The following LSP1 variants were observed in gnomAD, a reference collection of about 807,000 sequenced individuals.
The protein encoded by LSP1 is lymphocyte-specific protein 1.
In LSP1, 32 loss-of-function variants were observed where a neutral mutation model predicts 49.3. The observed-to-expected ratio is 0.65, with a 90% CI of 0.49 to 0.87. LSP1 has a LOEUF of 0.87. Ranked by LOEUF, LSP1 falls within the 40% of genes least tolerant of loss-of-function variation. The probability of loss-of-function intolerance (pLI) is 0.00; values close to 1 mark genes in which losing one functional copy is unlikely to be tolerated. For synonymous variants in LSP1, 179 were observed against 178.8 expected, an observed-to-expected ratio of 1.00 and a Z score of -0.01; for missense variants, 428 against 442.6, an observed-to-expected ratio of 0.97 and a Z score of 0.30.
At chr11:1,873,393 C>G (rs984829079) in intron 1 of LSP1, among the ~76,000 whole-genome samples, 13 of 151,596 alleles carry the variant, frequency 8.6e-5, no homozygotes, top group African/African-American at 3.2e-4. Flanking sequence ...TGGGTCAGCG[C>G]TGGTTTCTTG....
At chr11:1,864,523 G>A (rs1010770231) in intron 1 of LSP1, among the ~76,000 whole-genome samples, 8 of 152,064 alleles carry the variant, frequency 5.3e-5, no homozygotes, top group South Asian at 2.1e-4. Flanking sequence ...GCCCATCAGC[G>A]CGCCACAGAG....
At chr11:1,861,695 G>GTGGATGGATGGA (rs58820256) in intron 1 of LSP1, among the ~76,000 whole-genome samples, 1 of 122,048 alleles carries the variant, frequency 8.2e-6, no homozygotes, top group African/African-American at 3.2e-5. Flanking sequence ...GGATGGGTGG[G>GTGGATGGATGGA]TGGATGGATG....
chr11:1,879,301 C>T (rs1345633810), intron 1 of LSP1, among the ~76,000 whole-genome samples: 3 of 152,170 alleles, frequency 2.0e-5, no homozygotes, highest in Admixed American at 6.5e-5. Context: ...GCCCAGATCA[C>T]ACCATTGCAC....
chr11:1,867,398 G>A lies in LSP1; in HGVS notation c.54-12689G>A, dbSNP rs573098103. Among the ~76,000 whole-genome samples, 17 of 140,332 alleles carry A rather than the reference G, an allele frequency of 1.2e-4. 1 individual carries two copies. In the Admixed American group the frequency reaches 1.3e-3, roughly 11 times the overall value. 92.1% of individuals were successfully genotyped at this position (140,332 alleles called of 152,430 possible). ...ACACGACCACCCGGGACAGTACTGC[G>A]CTCACCACCACTGCCATGATCTCTT... On this transcript the variant is annotated intron_variant, in intron 1 of 10. Coordinates refer to ENST00000311604, the MANE Select transcript of LSP1 (RefSeq NM_002339.3).
At chr11:1,854,207 T>C (rs1847431266) in intron 1 of LSP1, among the ~76,000 whole-genome samples, 1 of 152,070 alleles carries the variant, frequency 6.6e-6, no homozygotes, top group Admixed American at 6.5e-5. Flanking sequence ...GCGGGGGCTG[T>C]GGCCTGGTGT....
At chr11:1,873,057 C>G (rs1264300302) in intron 1 of LSP1, among the ~76,000 whole-genome samples, 1 of 151,882 alleles carries the variant, frequency 6.6e-6, no homozygotes, top group African/African-American at 2.4e-5. Flanking sequence ...GCACCTCTCC[C>G]CAGAGGTGGA....
At chr11:1,881,196 T>G in intron 2 of LSP1, 1 of 484,152 alleles carries the variant, frequency 2.1e-6, no homozygotes, top group Non-Finnish European at 3.6e-6. Context: ...CCTCAAGGAG[T>G]CCTGGACTGA....
At chr11:1,872,810 G>A (rs1032825278) in intron 1 of LSP1, among the ~76,000 whole-genome samples, 4 of 152,138 alleles carry the variant, frequency 2.6e-5, no homozygotes, top group Non-Finnish European at 4.4e-5. Flanking sequence ...CAGTCACCCC[G>A]GCCCGCACTC....
intron 3 of LSP1, among the ~76,000 whole-genome samples, chr11:1,883,060 G>T (rs900416140): frequency 1.3e-5 from 2 of 152,186 alleles, no homozygotes; most frequent in Non-Finnish European, 2.9e-5. Flanking sequence ...GCCTCGCGGG[G>T]ACCCCGTCAG....
intron 1 of LSP1, chr11:1,864,368 G>C (rs1188084221): frequency 2.3e-6 from 1 of 436,034 alleles, no homozygotes; most frequent in East Asian, 1.6e-4. Context: ...GGGCAGAATA[G>C]GCCCCTGTGC....
At chr11:1,881,961 C>A (rs1371169625) in intron 3 of LSP1, among the ~76,000 whole-genome samples, 1 of 152,184 alleles carries the variant, frequency 6.6e-6, no homozygotes, top group Non-Finnish European at 1.5e-5. Flanking sequence ...GCTGCCACAT[C>A]AGCACACAGC....
At chr11:1,889,327 G>A (rs1201000659) in intron 10 of LSP1, 1 of 710,266 alleles carries the variant, frequency 1.4e-6, no homozygotes, top group East Asian at 2.7e-5. Flanking sequence ...CCACCGCTGG[G>A]CCCTGCCAGG....
intron 1 of LSP1, chr11:1,870,216 T>C: frequency 8.1e-7 from 1 of 1,229,386 alleles, no homozygotes; most frequent in Non-Finnish European, 1.1e-6. Context: ...CATGTGAGTC[T>C]CCCACGGCCC....
At chr11:1,868,976 G>T in intron 1 of LSP1, 1 of 986,338 alleles carries the variant, frequency 1.0e-6, no homozygotes, top group Non-Finnish European at 1.2e-6. Context: ...GCTCAGAGCG[G>T]CTTGGCAGAG....
rs542314446 is a variant in LSP1 at position 1,880,067 on chromosome 11, C to A, written c.54-20C>A. 3.7e-6 allele frequency: 6 copies of A among 1,606,236 alleles called. No individual in the cohort carries two copies. In the Admixed American group the frequency reaches 5.1e-5, roughly 14 times the overall value. Reference sequence around the variant, plus strand: ...CCTGTGTCGGCTGTGGCGTGACTGTCCCTCTGTGTCCCCCACTAGGCCCAC... The same window carrying A: ...CCTGTGTCGGCTGTGGCGTGACTGTACCTCTGTGTCCCCCACTAGGCCCAC... On this transcript the variant is annotated intron_variant, in intron 1 of 10. Coordinates refer to ENST00000311604, the MANE Select transcript of LSP1 (RefSeq NM_002339.3).
chr11:1,869,729 G>A (rs780483213), intron 1 of LSP1: 16 of 470,670 alleles, frequency 3.4e-5, no homozygotes, highest in Non-Finnish European at 6.2e-5. Flanking sequence ...AGTGAGGCCA[G>A]GCGAGGGCTG....
chr11:1,853,271 TGGA>T, intron 1 of LSP1, 74 bp downstream of exon 1: 1 of 1,495,050 alleles, frequency 6.7e-7, no homozygotes, highest in Non-Finnish European at 9.0e-7. Flanking sequence ...GCATGGAGGG[TGGA>T]GAACTGAGGT....
rs574541532 is a variant in LSP1 at position 1,890,446 on chromosome 11, G to C, written c.*14-1327G>C. ...TGTGTGCCTCCCATCATCTTCTTCCGGGCTGCCTTCCTCAGGAGCTTCTGC... is the reference window on the plus strand; with the variant it reads ...TGTGTGCCTCCCATCATCTTCTTCCCGGCTGCCTTCCTCAGGAGCTTCTGC... On this transcript the variant is annotated intron_variant, in intron 10 of 10. Transcript: ENST00000311604. The C allele has an allele frequency of 2.5e-5, 18 of 717,290 alleles. No individual in the cohort carries two copies. In the East Asian group the frequency reaches 4.8e-4, roughly 19 times the overall value. The allele number at this position is 717,290 out of a possible 1,614,324, so 44.4% of individuals were successfully genotyped here.
chr11:1,881,635 G>A (rs1169124974), intron 3 of LSP1, 39 bp downstream of exon 3: 1 of 1,419,412 alleles, frequency 7.0e-7, no homozygotes, highest in African/African-American at 1.6e-5. Flanking sequence ...GGGCAGAGCA[G>A]GGCTCCCTCT....
Sources: allele counts gnomAD v4.1 joint callset (sites outside exome capture counted in the v4.1 genomes callset), GRCh38; gene constraint gnomAD v4.1.1; transcripts MANE v1.5; gene names NCBI Gene and HGNC (gene_info 2026-07-23, HGNC 2026-07-21).